KCTD1: variants seen among roughly 807,000 people sequenced by gnomAD.
The protein encoded by KCTD1 is BTB/POZ domain-containing protein KCTD1.
Under a neutral mutation model 66.0 loss-of-function variants are expected in KCTD1, and 24 were observed. The observed-to-expected ratio is 0.36, with a 90% CI of 0.26 to 0.51. KCTD1 has a LOEUF of 0.51. Ranked by LOEUF, KCTD1 falls within the 20% of genes least tolerant of loss-of-function variation. The probability of loss-of-function intolerance (pLI) is 0.95; values close to 1 mark genes in which losing one functional copy is unlikely to be tolerated. For synonymous variants in KCTD1, 511 were observed against 517.2 expected (o/e 0.99, Z 0.16); for missense variants, 943 against 1,205.2 (o/e 0.78, Z 3.22).
At position 26,455,634 on chromosome 18, in the gene KCTD1, A is replaced by C; in HGVS notation, c.*109T>G. The C allele has an allele frequency of 7.1e-7, 1 of 1,411,406 alleles. No individual in the cohort carries two copies. Among genetic ancestry groups the C allele is most frequent in the South Asian group, 1.2e-5 (1 of 82,690 alleles). The allele number at this position is 1,411,406 out of a possible 1,614,324, so 87.4% of individuals were successfully genotyped here. ...TGGATATAAATGTGTCTTTTATTCG[A>C]TTTTACGTCCAGGACTTGGTTTGCT... On this transcript the variant is annotated 3_prime_UTR_variant, in exon 5 of 5. Coordinates refer to ENST00000580059, the MANE Select transcript of KCTD1 (RefSeq NM_001142730.3).
intron 1 of KCTD1, among the ~76,000 whole-genome samples, chr18:26,574,416 T>A (rs1432941793): frequency 6.6e-6 from 1 of 152,180 alleles, no homozygotes; most frequent in Non-Finnish European, 1.5e-5. Flanking sequence ...TAAAAATGGT[T>A]CCCAGTTAAC....
chr18:26,462,834 G>A (rs1980509757), intron 3 of KCTD1, among the ~76,000 whole-genome samples: 1 of 152,082 alleles, frequency 6.6e-6, no homozygotes, highest in Non-Finnish European at 1.5e-5. Context: ...TTTCTGTTAG[G>A]TTCTCTGGCC....
Position 26,455,906 on chromosome 18 carries a change from G to A in KCTD1, c.2440-5C>T, listed in dbSNP as rs1481570738. The A allele has an allele frequency of 1.1e-5, 17 of 1,612,290 alleles. No individual in the cohort carries two copies. Among genetic ancestry groups the A allele is most frequent in the East Asian group, 4.5e-5 (2 of 44,852 alleles). On this transcript the variant is annotated splice_region_variant and splice_polypyrimidine_tract_variant and intron_variant, in intron 4 of 4. Coordinates refer to ENST00000580059, the MANE Select transcript of KCTD1 (RefSeq NM_001142730.3). ...TTGCTGCAACCTCTCGAGGACCTGC[G>A]AGGGAACAAGACAAGCATCCAGTTA... is the stretch of plus-strand genomic sequence containing the variant.
chr18:26,618,097 T>C (rs59893417), intron 1 of KCTD1, among the ~76,000 whole-genome samples: 1 of 146,366 alleles, frequency 6.8e-6, no homozygotes, highest in Admixed American at 6.8e-5. Flanking sequence ...GACCTAGGTT[T>C]AAAAAAAAAC....
intron 1 of KCTD1, among the ~76,000 whole-genome samples, chr18:26,521,340 T>C (rs1284274427): frequency 1.3e-5 from 2 of 152,264 alleles, no homozygotes; most frequent in African/African-American, 4.8e-5. Context: ...AACACCACTA[T>C]GGGCATATGC....
rs1417522650 is a variant in KCTD1, at chr18:26,514,303, AG to A, written c.1810-13054del. Among the ~76,000 whole-genome samples the A allele has an allele frequency of 2.0e-5, 3 of 152,158 alleles. No homozygotes were observed. The East Asian group carries it at 5.8e-4, about 29-fold the overall frequency. ...CACAGTGGCTCATGCTTATAATCCC[AG>A]TGACTTGGGAGGCTGAAGTAGGAGG... On this transcript the variant is annotated intron_variant, in intron 1 of 4. Transcript: ENST00000580059.
intron 1 of KCTD1, among the ~76,000 whole-genome samples, chr18:26,537,126 C>T (rs1598926548): frequency 6.6e-6 from 1 of 152,282 alleles, no homozygotes; most frequent in East Asian, 1.9e-4. Flanking sequence ...TATACTTTTA[C>T]TTAGATCTGT....
Position 26,619,792 on chromosome 18 carries a change from G to A in KCTD1, c.-16+9355C>T, listed in dbSNP as rs187965503. Among the ~76,000 whole-genome samples, 330 of 152,338 alleles carry A rather than the reference G, an allele frequency of 2.2e-3. 1 individual carries two copies. The highest frequency in any genetic ancestry group is 6.9e-3 in the African/African-American group (285 of 41,578). On this transcript the variant is annotated intron_variant, in intron 1 of 4. Transcript: ENST00000317932. ...ACAAGGGGAGCCACTGCAGAGTGGA[G>A]AGATGAAGAGCTCACTTATTCTTGA...
At chr18:26,656,303 C>T (rs1296190004) in intron 1 of KCTD1, among the ~76,000 whole-genome samples, 1 of 151,962 alleles carries the variant, frequency 6.6e-6, no homozygotes, top group Non-Finnish European at 1.5e-5. Flanking sequence ...CGCATCCTTC[C>T]CCCGTCCCAG....
chr18:26,467,930 G>T (rs1980837781), intron 3 of KCTD1, among the ~76,000 whole-genome samples: 2 of 152,204 alleles, frequency 1.3e-5, no homozygotes, highest in South Asian at 4.1e-4. Context: ...GTCTAGGAAT[G>T]GTGGACATAC....
chr18:26,494,550 G>A (rs749328805), intron 2 of KCTD1, among the ~76,000 whole-genome samples: 8 of 152,206 alleles, frequency 5.3e-5, no homozygotes, highest in South Asian at 2.1e-4. Flanking sequence ...GTTGTGCAAG[G>A]TAAGTTACTG....
intron 2 of KCTD1, among the ~76,000 whole-genome samples, chr18:26,481,937 G>A (rs1309129430): frequency 6.6e-6 from 1 of 152,182 alleles, no homozygotes; most frequent in Non-Finnish European, 1.5e-5. Flanking sequence ...GACCAACGAG[G>A]AGGCAAGTCA....
chr18:26,553,240 C>A (rs151266626), upstream of KCTD1, among the ~76,000 whole-genome samples: 1 of 152,262 alleles, frequency 6.6e-6, no homozygotes, highest in Non-Finnish European at 1.5e-5. Flanking sequence ...GCCACCACTC[C>A]TGTCTCAGAG....
At chr18:26,549,939 G>C (rs976652027), upstream of KCTD1, 1 of 341,590 alleles carries the variant, frequency 2.9e-6, no homozygotes, top group Non-Finnish European at 4.1e-6. Flanking sequence ...CCGCTCTCCC[G>C]GCCCAGGGGC....
Position 26,476,544 on chromosome 18 carries a change from ATG to A in KCTD1, c.2102_2103del (p.Thr701IlefsTer7). ...AAATCATCAGGAATGAGGAGTTTGG[ATG>A]TTCGTAGAAAATTCAAGATATATCT... is the stretch of plus-strand genomic sequence containing the variant. The part of the protein sequence containing the change: ...MFRYILNFLR[T>X]SKLLIPDDFK... On this transcript the variant is annotated frameshift_variant, in exon 3 of 5. Transcript: ENST00000580059. LOFTEE classifies it high-confidence loss of function. This position sits in a 1 kb window ranked among gnomAD's most constrained non-coding sequence, Gnocchi z 4.9. 6.2e-7 allele frequency: 1 copy of A among 1,613,398 alleles called. No individual in the cohort carries two copies. The highest frequency in any genetic ancestry group is 8.5e-7 in the Non-Finnish European group (1 of 1,179,754).
At chr18:26,549,615 C>CTCCAGCCTGG, upstream of KCTD1, 1 of 812,022 alleles carries the variant, frequency 1.2e-6, no homozygotes, top group Non-Finnish European at 1.5e-6. Flanking sequence ...CTCCACCAAG[C>CTCCAGCCTGG]TGGAGCTGAA....
chr18:26,567,780 C>T (rs993731494), intron 1 of KCTD1, among the ~76,000 whole-genome samples: 3 of 152,080 alleles, frequency 2.0e-5, no homozygotes, highest in African/African-American at 7.2e-5. Flanking sequence ...AGCCACCGTG[C>T]CCGGCCAAGT....
intron 1 of KCTD1, among the ~76,000 whole-genome samples, chr18:26,586,499 A>T (rs1047490949): frequency 1.3e-5 from 2 of 152,202 alleles, no homozygotes; most frequent in Admixed American, 6.5e-5. Context: ...ATGGTCTCTA[A>T]GTGTTCAAGT....
In KCTD1 at chr18:26,547,505, C is replaced by T. The variant is rs1391190899; in HGVS notation, c.1032G>A (p.Lys344=). 1 of 1,551,452 alleles carries T rather than the reference C, an allele frequency of 6.4e-7. No homozygotes were observed. The highest frequency in any genetic ancestry group is 8.7e-7 in the Non-Finnish European group (1 of 1,147,004). Residue 344 remains lysine (K), a synonymous_variant, in exon 1 of 5, where the codon AAG becomes AAA. Coordinates refer to ENST00000580059, the MANE Select transcript of KCTD1 (RefSeq NM_001142730.3). The part of the protein sequence containing the change: ...FGLAMDEDGR[K]FVYFKSLGPY... ...GCCCGAGGGACTTGAAGTAGACGAA[C>T]TTGCGACCGTCCTCGTCCATGGCCA...
Sources: gnomAD v4.1 joint callset for allele counts (sites outside exome capture counted in the v4.1 genomes callset) on GRCh38, gnomAD v4.1.1 for gene constraint, Gnocchi (gnomAD v3.1) non-coding constraint, MANE v1.5 for transcripts, NCBI Gene and HGNC (gene_info 2026-07-23, HGNC 2026-07-21) for gene names.